Variants in SPATA17 observed in about 807,000 individuals in gnomAD.
The protein encoded by SPATA17 is spermatogenesis-associated protein 17.
In SPATA17, 53 loss-of-function variants were observed where a neutral mutation model predicts 62.2. That is an observed-to-expected ratio of 0.85 (90% CI 0.68 to 1.07). The LOEUF (loss-of-function observed/expected upper bound fraction) is 1.07. Ranked by LOEUF, SPATA17 falls within the 50% of genes least tolerant of loss-of-function variation. The pLI is 0.00. For synonymous variants in SPATA17, 146 were observed against 146.8 expected, an observed-to-expected ratio of 0.99 and a Z score of 0.04; for missense variants, 466 against 425.5, an observed-to-expected ratio of 1.10 and a Z score of -0.84.
At chr1:217,704,290 CCGGA>C (rs1239444185) in intron 5 of SPATA17, among the ~76,000 whole-genome samples, 139 of 130,500 alleles carry the variant, frequency 1.1e-3, no homozygotes, top group African/African-American at 3.8e-3. Context: ...GTCGCCCAGG[CCGGA>C]CTGCGGACTG....
At chr1:217,720,181 T>C (rs1672091906) in intron 5 of SPATA17, among the ~76,000 whole-genome samples, 1 of 152,130 alleles carries the variant, frequency 6.6e-6, no homozygotes, top group African/African-American at 2.4e-5. Context: ...TTAGTAAAGG[T>C]AAAATGTTAC....
intron 3 of SPATA17, among the ~76,000 whole-genome samples, chr1:217,665,734 C>T (rs904899194): frequency 1.3e-5 from 2 of 152,114 alleles, no homozygotes; most frequent in Admixed American, 6.6e-5. Context: ...ATAAGTATAA[C>T]CTCTGTGGTC....
rs1370627724 is a variant in SPATA17, at chr1:217,722,442, A to G, written c.396-19533A>G. Among the ~76,000 whole-genome samples the G allele has an allele frequency of 3.9e-5, 6 of 152,134 alleles. No individual in the cohort carries two copies. The East Asian group carries it at 1.2e-3, about 29-fold the overall frequency. On this transcript the variant is annotated intron_variant, in intron 5 of 10. Coordinates refer to ENST00000366933, the MANE Select transcript of SPATA17 (RefSeq NM_138796.4). ...TTTGATAAAAATAATACAATATTATAAAAACTTTAAAACATATAGAAAATT... is the reference window on the plus strand; with the variant it reads ...TTTGATAAAAATAATACAATATTATGAAAACTTTAAAACATATAGAAAATT...
chr1:217,801,863 A>C lies in SPATA17; in HGVS notation c.1005+13A>C, dbSNP rs1674322289. On this transcript the variant is annotated intron_variant, in intron 9 of 10. Transcript: ENST00000366933. ...GATCTGTGACAAGGTGAGTTAACAA[A>C]ACATTTTAAAAAGTTATTCCTTTTT... 1.9e-6 allele frequency: 3 copies of C among 1,590,804 alleles called. No individual in the cohort carries two copies. The East Asian group carries it at 6.7e-5, about 36-fold the overall frequency.
intron 5 of SPATA17, among the ~76,000 whole-genome samples, chr1:217,694,690 G>T (rs2102914309): frequency 6.6e-6 from 1 of 151,008 alleles, no homozygotes; most frequent in East Asian, 2.0e-4. Flanking sequence ...CAGGCCTGGT[G>T]GTGACAAAAT....
chr1:217,668,489 C>G (rs1384494474), intron 3 of SPATA17, among the ~76,000 whole-genome samples: 1 of 152,030 alleles, frequency 6.6e-6, no homozygotes, highest in East Asian at 1.9e-4. Flanking sequence ...ACAAAATTCC[C>G]AAGGATTACT....
intron 9 of SPATA17, among the ~76,000 whole-genome samples, chr1:217,820,094 G>A (rs1238387035): frequency 6.6e-6 from 1 of 151,966 alleles, no homozygotes; most frequent in East Asian, 1.9e-4. Flanking sequence ...AGGAACATGA[G>A]CTTTCCAATT....
At chr1:217,763,822 G>A (rs1229009047) in intron 6 of SPATA17, among the ~76,000 whole-genome samples, 1 of 152,106 alleles carries the variant, frequency 6.6e-6, no homozygotes, top group Admixed American at 6.5e-5. Flanking sequence ...TGGGGTAGGG[G>A]AAAATCAGTA....
At chr1:217,652,398 A>T (rs975902342) in intron 3 of SPATA17, among the ~76,000 whole-genome samples, 2 of 151,876 alleles carry the variant, frequency 1.3e-5, no homozygotes, top group African/African-American at 4.8e-5. Context: ...CACCTGGCTA[A>T]TTTTTTTGTG....
intron 9 of SPATA17, among the ~76,000 whole-genome samples, chr1:217,845,377 T>C (rs1675500261): frequency 6.6e-6 from 1 of 152,206 alleles, no homozygotes; most frequent in African/African-American, 2.4e-5. Flanking sequence ...CTTTCTAGGC[T>C]CCAGGTGGAA....
chr1:217,679,944 C>T (rs183428842), intron 4 of SPATA17, among the ~76,000 whole-genome samples: 37 of 152,180 alleles, frequency 2.4e-4, no homozygotes, highest in Admixed American at 2.2e-3. Context: ...ATCATAAACT[C>T]GCATCATTCT....
intron 9 of SPATA17, among the ~76,000 whole-genome samples, chr1:217,817,588 G>A (rs1674752949): frequency 6.6e-6 from 1 of 152,036 alleles, no homozygotes; most frequent in South Asian, 2.1e-4. Flanking sequence ...AGATGGTGAT[G>A]ATGGTGTGTG....
intron 9 of SPATA17, among the ~76,000 whole-genome samples, chr1:217,806,725 C>T (rs1029046845): frequency 6.6e-6 from 1 of 152,060 alleles, no homozygotes; most frequent in African/African-American, 2.4e-5. Flanking sequence ...CCATGTTATG[C>T]ATTTTTTTAG....
chr1:217,635,610 A>T (rs1174028306), intron 1 of SPATA17, among the ~76,000 whole-genome samples: 1 of 152,062 alleles, frequency 6.6e-6, no homozygotes, highest in African/African-American at 2.4e-5. Context: ...AGGCTGAGGC[A>T]GGAGAATCAC....
intron 5 of SPATA17, among the ~76,000 whole-genome samples, chr1:217,696,456 C>T (rs1380376238): frequency 6.6e-6 from 1 of 152,198 alleles, no homozygotes; most frequent in Non-Finnish European, 1.5e-5. Flanking sequence ...CCGTCTTCTG[C>T]GTCGCTCCGC....
At chr1:217,856,836 C>G (rs1675797527) in intron 9 of SPATA17, among the ~76,000 whole-genome samples, 1 of 152,130 alleles carries the variant, frequency 6.6e-6, no homozygotes, top group African/African-American at 2.4e-5. Context: ...GCAATGAGAG[C>G]AAAGTTTGAT....
intron 3 of SPATA17, chr1:217,665,394 G>T (rs1277712689): frequency 6.6e-6 from 1 of 151,958 alleles, no homozygotes; most frequent in Non-Finnish European, 1.5e-5. Flanking sequence ...AAAAGGAGTT[G>T]ATAAAAGCAA....
intron 3 of SPATA17, among the ~76,000 whole-genome samples, chr1:217,658,220 G>C (rs1441779159): frequency 6.6e-6 from 1 of 152,132 alleles, no homozygotes; most frequent in Non-Finnish European, 1.5e-5. Context: ...TCATGGGGGA[G>C]GATCCCTCAT....
At chr1:217,642,157 C>T (rs934804756) in intron 1 of SPATA17, among the ~76,000 whole-genome samples, 1 of 152,176 alleles carries the variant, frequency 6.6e-6, no homozygotes, top group African/African-American at 2.4e-5. Context: ...TGTCCCATGA[C>T]TGACAATATT....
Sources: allele counts gnomAD v4.1 joint callset (sites outside exome capture counted in the v4.1 genomes callset), GRCh38; gene constraint gnomAD v4.1.1; transcripts MANE v1.5; gene names NCBI Gene and HGNC (gene_info 2026-07-23, HGNC 2026-07-21).